The following NEGR1 variants were observed in gnomAD, a reference collection of about 807,000 sequenced individuals.
NEGR1 encodes the protein IgLON family member 4.
NEGR1 carries 10 observed loss-of-function variants against 40.9 expected under a neutral mutation model. The observed-to-expected ratio is 0.24, with a 90% confidence interval of 0.15 to 0.42. The LOEUF is 0.42. NEGR1 is among the 10% of genes least tolerant of loss of function. The pLI, the probability that NEGR1 is intolerant of heterozygous loss-of-function variation, is 1.00. For missense variants in NEGR1, 352 were observed against 438.9 expected (o/e 0.80, Z 1.77); for synonymous variants, 185 against 166.8 (o/e 1.11, Z -0.84).
chr1:71,870,416 T>A (rs933887555), intron 2 of NEGR1, among the ~76,000 whole-genome samples: 4 of 152,202 alleles, frequency 2.6e-5, no homozygotes, highest in Non-Finnish European at 5.9e-5. Context: ...CAGTGGGCTC[T>A]TCCTGGATAT....
chr1:72,096,524 G>C (rs886339863), intron 1 of NEGR1, among the ~76,000 whole-genome samples: 2 of 151,028 alleles, frequency 1.3e-5, no homozygotes, highest in African/African-American at 4.8e-5. Context: ...ATATAGATCA[G>C]AAAATCATAG....
intron 1 of NEGR1, among the ~76,000 whole-genome samples, chr1:72,081,794 A>G (rs1445492704): frequency 6.6e-6 from 1 of 152,042 alleles, no homozygotes; most frequent in Non-Finnish European, 1.5e-5. Context: ...TTCCTATCCT[A>G]CTGCCTTCTC....
chr1:71,536,256 T>C (rs1298110657), intron 6 of NEGR1, among the ~76,000 whole-genome samples: 1 of 151,748 alleles, frequency 6.6e-6, no homozygotes, highest in African/African-American at 2.4e-5. Context: ...TGGTATGTTT[T>C]GCTTCACCAA....
In NEGR1 at chr1:71,399,772, T is replaced by C. The variant is rs1646235241; in HGVS notation, c.*7674A>G. On this transcript the variant is annotated 3_prime_UTR_variant, in exon 7 of 7. Transcript: ENST00000357731. The stretch of plus-strand genomic sequence containing the variant: ...TTTTGCCAGGTCACTTGTCAAGTAC[T>C]TGGTAGGGAGATGTCAAGTTTCAGG... The C allele has an allele frequency of 6.6e-6, 1 of 152,220 alleles. No individual in the cohort carries two copies. The highest frequency in any genetic ancestry group is 1.5e-5 in the Non-Finnish European group (1 of 68,038). The allele number at this position is 152,220 out of a possible 1,614,324, so 9.4% of individuals were successfully genotyped here.
At chr1:71,707,092 G>A (rs911006593) in intron 3 of NEGR1, among the ~76,000 whole-genome samples, 1 of 151,638 alleles carries the variant, frequency 6.6e-6, no homozygotes, top group African/African-American at 2.4e-5. Context: ...CAATCCAAGT[G>A]GTTTGATTGA....
chr1:71,972,163 A>G (rs951142747), intron 1 of NEGR1, among the ~76,000 whole-genome samples: 1 of 152,330 alleles, frequency 6.6e-6, no homozygotes, highest in Middle Eastern at 3.4e-3. Context: ...AGTGCCAAAT[A>G]GCAGTGCAGG....
intron 6 of NEGR1, among the ~76,000 whole-genome samples, chr1:71,470,734 G>A (rs1646777127): frequency 6.6e-6 from 1 of 152,090 alleles, no homozygotes; most frequent in Admixed American, 6.6e-5. Context: ...CAAACAATGT[G>A]TAACAAAAGG....
intron 4 of NEGR1, among the ~76,000 whole-genome samples, chr1:71,689,311 AACTT>A (rs1653172512): frequency 6.6e-6 from 1 of 152,158 alleles, no homozygotes. Flanking sequence ...GTCTCTATAA[AACTT>A]AAATAACTAT....
At chr1:71,521,126 G>T (rs1362484007) in intron 6 of NEGR1, among the ~76,000 whole-genome samples, 3 of 151,948 alleles carry the variant, frequency 2.0e-5, no homozygotes, top group Non-Finnish European at 4.4e-5. Context: ...ACTCTTACTT[G>T]GGGTCAGAGA....
chr1:71,504,301 G>A (rs1647018195), intron 6 of NEGR1, among the ~76,000 whole-genome samples: 1 of 151,878 alleles, frequency 6.6e-6, no homozygotes, highest in African/African-American at 2.4e-5. Context: ...TCTTTGCAAG[G>A]AGAGAGGAAG....
rs1653330372 is a variant in NEGR1, at chr1:71,692,669, T to C, written c.667+5339A>G. On this transcript the variant is annotated intron_variant, in intron 4 of 6. Transcript: ENST00000357731. ...CCCCAGTGGCTTCTCATTTCAAGCTTCCGTATAATTGTACTAAGTTATACT... is the reference window on the plus strand; with the variant it reads ...CCCCAGTGGCTTCTCATTTCAAGCTCCCGTATAATTGTACTAAGTTATACT... Among the ~76,000 whole-genome samples the C allele has an allele frequency of 2.0e-5, 3 of 151,800 alleles. No homozygotes were observed. The South Asian group carries it at 6.2e-4, about 31-fold the overall frequency.
intron 6 of NEGR1, among the ~76,000 whole-genome samples, chr1:71,455,721 C>T (rs1225495828): frequency 6.6e-6 from 1 of 151,912 alleles, no homozygotes; most frequent in African/African-American, 2.4e-5. Flanking sequence ...AAGACTCTGT[C>T]TCAAAAAAAA....
At chr1:72,140,087 T>C (rs1254290175) in intron 1 of NEGR1, among the ~76,000 whole-genome samples, 3 of 152,098 alleles carry the variant, frequency 2.0e-5, no homozygotes, top group Non-Finnish European at 4.4e-5. Flanking sequence ...CTAGTTCTCA[T>C]GAAACTATCA....
At chr1:71,576,461 T>C (rs1648969837) in intron 6 of NEGR1, among the ~76,000 whole-genome samples, 1 of 152,228 alleles carries the variant, frequency 6.6e-6, no homozygotes. Context: ...TCAGAGATTC[T>C]AGCCCTCAGT....
intron 3 of NEGR1, among the ~76,000 whole-genome samples, chr1:71,751,246 G>A (rs1317835233): frequency 6.6e-6 from 1 of 152,016 alleles, no homozygotes; most frequent in South Asian, 2.1e-4. Context: ...CCCAAGATCT[G>A]TTATTTTAAT....
chr1:71,539,611 C>T (rs780419189), intron 6 of NEGR1, among the ~76,000 whole-genome samples: 3 of 151,594 alleles, frequency 2.0e-5, no homozygotes, highest in South Asian at 4.1e-4. Flanking sequence ...TGTTCCTATA[C>T]GTATCTCTGT....
At chr1:71,871,282 C>G (rs1439341575) in intron 2 of NEGR1, among the ~76,000 whole-genome samples, 1 of 152,080 alleles carries the variant, frequency 6.6e-6, no homozygotes, top group African/African-American at 2.4e-5. Context: ...AGCAAGTGAC[C>G]TAGTCATTTT....
At chr1:71,580,629 A>G (rs1649105497) in intron 6 of NEGR1, among the ~76,000 whole-genome samples, 1 of 152,144 alleles carries the variant, frequency 6.6e-6, no homozygotes, top group Admixed American at 6.5e-5. Flanking sequence ...GAAGAAAATT[A>G]TAGAAATAAT....
At chr1:72,005,983 A>G (rs1463206941) in intron 1 of NEGR1, among the ~76,000 whole-genome samples, 2 of 152,172 alleles carry the variant, frequency 1.3e-5, no homozygotes, top group Non-Finnish European at 2.9e-5. Flanking sequence ...TTTTTCACCA[A>G]AAAGTAACAA....
Sources: gnomAD v4.1 joint callset for allele counts (sites outside exome capture counted in the v4.1 genomes callset) on GRCh38, gnomAD v4.1.1 for gene constraint, MANE v1.5 for transcripts, NCBI Gene and HGNC (gene_info 2026-07-23, HGNC 2026-07-21) for gene names.